ZNF44: variants seen among roughly 807,000 people sequenced by gnomAD.
ZNF44 encodes the protein gonadotropin inducible transcription repressor-2.
In ZNF44, 9 loss-of-function variants were observed where a neutral mutation model predicts 11.7. That is an observed-to-expected ratio of 0.77 (90% CI 0.46 to 1.35). The LOEUF (loss-of-function observed/expected upper bound fraction) is 1.35, where lower values mean the gene tolerates loss of function less well. Ranked by LOEUF, ZNF44 falls within the 40% of genes most tolerant of loss-of-function variation. ZNF44 has a pLI of 0.00. For missense variants in ZNF44, 696 were observed against 743.1 expected (o/e 0.94, Z 0.74); for synonymous variants, 224 against 242.7 (o/e 0.92, Z 0.72).
chr19:12,267,728 G>A (rs1917785847), downstream of ZNF44, among the ~76,000 whole-genome samples: 1 of 151,930 alleles, frequency 6.6e-6, no homozygotes, highest in African/African-American at 2.4e-5. Context: ...ACTCTCACCT[G>A]GAGTCAGTTT....
At chr19:12,247,168 G>C (rs2438561), downstream of ZNF44, 3 of 445,324 alleles carry the variant, frequency 6.7e-6, no homozygotes, top group East Asian at 2.8e-4. Context: ...GTTATATCAG[G>C]CTTTCCTGTA....
chr19:12,266,817 ACTTT>A (rs991209200), downstream of ZNF44, among the ~76,000 whole-genome samples: 8 of 152,104 alleles, frequency 5.3e-5, no homozygotes, highest in Admixed American at 1.3e-4. Context: ...TACTAATGGG[ACTTT>A]CTTTCTTCTT....
downstream of ZNF44, among the ~76,000 whole-genome samples, chr19:12,269,164 C>T (rs1249348687): frequency 6.6e-6 from 1 of 151,560 alleles, no homozygotes; most frequent in African/African-American, 2.4e-5. Context: ...GGAGAGTGAG[C>T]GACCACTGCT....
intron 1 of ZNF44, among the ~76,000 whole-genome samples, chr19:12,235,812 T>G (rs1310841672): frequency 6.6e-6 from 1 of 152,078 alleles, no homozygotes; most frequent in Non-Finnish European, 1.5e-5. Context: ...CTGGCAACTG[T>G]GAGTATCCTG....
intron 5 of ZNF44, among the ~76,000 whole-genome samples, chr19:12,251,903 T>TAGC (rs1163956084): frequency 6.6e-6 from 1 of 152,010 alleles, no homozygotes; most frequent in Non-Finnish European, 1.5e-5. Flanking sequence ...AATACAAAAT[T>TAGC]AGCTGGGTGT....
chr19:12,288,357 C>T lies in ZNF44; in HGVS notation c.3+6335G>A, dbSNP rs1967848864. On this transcript the variant is annotated intron_variant, in intron 1 of 3. Transcript: ENST00000355684. ...GCCCTCCAAGACATTTTAATTTGTG[C>T]AATTTCACTCTAATTAAACCAACTC... 3.3e-5 allele frequency among the ~76,000 whole-genome samples: 5 copies of T among 152,066 alleles called. 2 individuals carry two copies. The highest frequency in any genetic ancestry group is 2.6e-4 in the Admixed American group (4 of 15,266).
intron 1 of ZNF44, among the ~76,000 whole-genome samples, chr19:12,283,414 C>T (rs978911394): frequency 6.6e-5 from 10 of 152,104 alleles, no homozygotes; most frequent in African/African-American, 2.2e-4. Context: ...CTGCAAGCTC[C>T]GCCTCCCGAG....
At chr19:12,248,015 T>C in exon 8 of ZNF44, 1 of 1,340,866 alleles carries the variant, frequency 7.5e-7, no homozygotes, top group Middle Eastern at 2.1e-4. Flanking sequence ...CTTTCCCACA[T>C]TTTTTACATT....
chr19:12,293,668 G>A (rs1222026084), intron 1 of ZNF44, among the ~76,000 whole-genome samples: 1 of 152,146 alleles, frequency 6.6e-6, no homozygotes, highest in African/African-American at 2.4e-5. Flanking sequence ...GAGGAGTGAA[G>A]TTAGCATATG....
At chr19:12,247,350 C>A, downstream of ZNF44, 15 of 1,295,252 alleles carry the variant, frequency 1.2e-5, no homozygotes, top group Non-Finnish European at 1.5e-5. Context: ...ACAATCCTTA[C>A]ATTTATAAGG....
At chr19:12,268,145 G>C (rs190713065), downstream of ZNF44, among the ~76,000 whole-genome samples, 475 of 136,744 alleles carry the variant, frequency 3.5e-3, no homozygotes, top group African/African-American at 8.7e-3. Flanking sequence ...CACACACACA[G>C]ACACACACAC....
rs1341531137 is a variant in ZNF44, at chr19:12,274,053, C to T, written c.202G>A (p.Val68Ile). The change falls in exon 4 of 4, where the codon GTA becomes ATA. Residue 68 changes from valine to isoleucine, a missense_variant. Transcript: ENST00000355684. ...TCTTTACTTTTACCAAATCTCTCTA[C>T]CACATCACACCTGTAAAAAATGAAA... is the stretch of plus-strand genomic sequence containing the variant. ...NLRRNPRCDV[V>I]ERFGKSKDGS... The T allele has an allele frequency of 6.2e-7, 1 of 1,601,910 alleles. No homozygotes were observed. Among genetic ancestry groups the T allele is most frequent in the African/African-American group, 1.3e-5 (1 of 74,364 alleles).
At chr19:12,255,969 G>A (rs868093631) in intron 5 of ZNF44, among the ~76,000 whole-genome samples, 6 of 146,310 alleles carry the variant, frequency 4.1e-5, no homozygotes, top group African/African-American at 5.1e-5. Flanking sequence ...CTGGGGAGGC[G>A]GAGGTTGCAG....
At chr19:12,280,429 G>A (rs1967429079) in intron 1 of ZNF44, among the ~76,000 whole-genome samples, 2 of 151,596 alleles carry the variant, frequency 1.3e-5, no homozygotes, top group African/African-American at 2.4e-5. Context: ...ACAAACTCTG[G>A]GGAACTCACT....
At chr19:12,265,242 C>CA (rs1917682361) in intron 5 of ZNF44, among the ~76,000 whole-genome samples, 1 of 151,948 alleles carries the variant, frequency 6.6e-6, no homozygotes, top group South Asian at 2.1e-4. Flanking sequence ...ACGCTCTCTA[C>CA]AAAAAATTAG....
At chr19:12,226,131 C>T (rs539571900), downstream of ZNF44, 27 of 152,244 alleles carry the variant, frequency 1.8e-4, no homozygotes, top group African/African-American at 6.3e-4. Context: ...CTTTATTATA[C>T]TTGGCTTAGT....
intron 5 of ZNF44, among the ~76,000 whole-genome samples, chr19:12,251,609 C>A (rs926187217): frequency 6.6e-6 from 1 of 152,114 alleles, no homozygotes; most frequent in Admixed American, 6.5e-5. Context: ...TAGATAAAAT[C>A]TCTACACTTC....
intron 2 of ZNF44, chr19:12,234,609 T>C (rs1177792243): frequency 2.0e-5 from 3 of 152,200 alleles, no homozygotes; most frequent in Non-Finnish European, 4.4e-5. Context: ...GGAACAGCAC[T>C]GATGGCCAAA....
At chr19:12,263,146 C>T (rs1213369187) in intron 5 of ZNF44, among the ~76,000 whole-genome samples, 1 of 151,072 alleles carries the variant, frequency 6.6e-6, no homozygotes, top group Admixed American at 6.6e-5. Context: ...AGTGCAATGG[C>T]GCAATCTCCC....
Sources: gnomAD v4.1 joint callset for allele counts (sites outside exome capture counted in the v4.1 genomes callset) on GRCh38, gnomAD v4.1.1 for gene constraint, MANE v1.5 for transcripts, NCBI Gene and HGNC (gene_info 2026-07-23, HGNC 2026-07-21) for gene names.